SRGAP1: variants seen among roughly 807,000 people sequenced by gnomAD.
The protein encoded by SRGAP1 is SLIT-ROBO Rho GTPase activating protein 1, also known as SLIT-ROBO Rho GTPase-activating protein 1.
SRGAP1 carries 43 observed loss-of-function variants against 121.9 expected under a neutral mutation model. The observed-to-expected ratio is 0.35, with a 90% CI of 0.28 to 0.46. The LOEUF (loss-of-function observed/expected upper bound fraction) is 0.46, where lower values mean the gene tolerates loss of function less well. Among genes scored for constraint, SRGAP1 ranks in the 20% least tolerant of loss-of-function variants. The probability of loss-of-function intolerance (pLI) is 1.00; values close to 1 mark genes in which losing one functional copy is unlikely to be tolerated. For missense variants in SRGAP1, 1,102 were observed against 1,350.9 expected, an observed-to-expected ratio of 0.82 and a Z score of 2.89; for synonymous variants, 447 against 485.4, an observed-to-expected ratio of 0.92 and a Z score of 1.04.
At chr12:63,896,644 G>A (rs1220495706) in intron 1 of SRGAP1, among the ~76,000 whole-genome samples, 1 of 152,172 alleles carries the variant, frequency 6.6e-6, no homozygotes, top group Non-Finnish European at 1.5e-5. Context: ...TGTGGGAATG[G>A]AGTATTAGTA....
intron 8 of SRGAP1, among the ~76,000 whole-genome samples, chr12:64,071,330 G>T (rs2035632223): frequency 6.6e-6 from 1 of 152,182 alleles, no homozygotes; most frequent in Non-Finnish European, 1.5e-5. Flanking sequence ...TCTCAGTGGA[G>T]AAACCACTCG....
At chr12:63,998,524 C>T (rs1241899604) in intron 3 of SRGAP1, among the ~76,000 whole-genome samples, 3 of 152,148 alleles carry the variant, frequency 2.0e-5, no homozygotes, top group African/African-American at 7.2e-5. Flanking sequence ...AAAAGCACCA[C>T]ACTTTGCTCT....
Position 64,097,702 on chromosome 12 carries a change from T to C in SRGAP1, c.1813+327T>C, listed in dbSNP as rs184132531. On this transcript the variant is annotated intron_variant, in intron 15 of 21. Transcript: ENST00000355086. Reference sequence around the variant, plus strand: ...TTGTAAGCTGGGAAATGTGACCTTTTCTTGGCTTTTGATTCTTGGTTTTTC... The same window carrying C: ...TTGTAAGCTGGGAAATGTGACCTTTCCTTGGCTTTTGATTCTTGGTTTTTC... 502 of 208,160 alleles carry C rather than the reference T, an allele frequency of 2.4e-3. 15 individuals are homozygous for C. In the Admixed American group the frequency reaches 0.027, roughly 11 times the overall value. 12.9% of individuals were successfully genotyped at this position (208,160 alleles called of 1,614,324 possible). A position where few individuals can be genotyped will look rare whatever the true frequency, so the allele number is the denominator to read the frequency against.
chr12:64,046,905 A>G (rs2035141488), intron 6 of SRGAP1, among the ~76,000 whole-genome samples: 1 of 151,928 alleles, frequency 6.6e-6, no homozygotes. Context: ...TGTTTTCTCC[A>G]TTTTATAGAC....
chr12:63,941,649 C>T (rs2031871690), intron 1 of SRGAP1, among the ~76,000 whole-genome samples: 1 of 148,894 alleles, frequency 6.7e-6, no homozygotes, highest in African/African-American at 2.5e-5. Context: ...AAAGGACTTA[C>T]AGCTCCTCCT....
At chr12:63,987,989 C>T (rs2033462070) in intron 2 of SRGAP1, among the ~76,000 whole-genome samples, 1 of 152,190 alleles carries the variant, frequency 6.6e-6, no homozygotes, top group South Asian at 2.1e-4. Flanking sequence ...CAGTTAAGAT[C>T]ATTTGCCCAA....
At chr12:64,003,635 T>C (rs1361874526) in intron 3 of SRGAP1, among the ~76,000 whole-genome samples, 1 of 151,926 alleles carries the variant, frequency 6.6e-6, no homozygotes, top group East Asian at 1.9e-4. Flanking sequence ...GTAACAGATA[T>C]TACCTGGTCT....
At chr12:63,849,861 G>A (rs779693475) in intron 1 of SRGAP1, among the ~76,000 whole-genome samples, 5 of 152,128 alleles carry the variant, frequency 3.3e-5, no homozygotes, top group African/African-American at 7.2e-5. Context: ...TTTCAGTAGC[G>A]ATAATTCACT....
chr12:64,049,081 C>T (rs1300253468), intron 6 of SRGAP1, among the ~76,000 whole-genome samples: 1 of 152,172 alleles, frequency 6.6e-6, no homozygotes, highest in Non-Finnish European at 1.5e-5. Context: ...TTTGCCCAGA[C>T]CAATTGCCTG....
chr12:63,949,210 T>C (rs1286201684), intron 1 of SRGAP1, among the ~76,000 whole-genome samples: 5 of 124,092 alleles, frequency 4.0e-5, no homozygotes, highest in South Asian at 2.7e-4. Flanking sequence ...TATATATATA[T>C]TTTTTCCATA....
intron 15 of SRGAP1, among the ~76,000 whole-genome samples, chr12:64,102,815 A>G (rs1485450857): frequency 1.3e-5 from 2 of 152,312 alleles, no homozygotes; most frequent in East Asian, 3.9e-4. Flanking sequence ...CATAAAAATT[A>G]TATCGTACCA....
At chr12:64,053,285 G>A (rs1054481674) in intron 6 of SRGAP1, among the ~76,000 whole-genome samples, 1 of 152,180 alleles carries the variant, frequency 6.6e-6, no homozygotes, top group Non-Finnish European at 1.5e-5. Context: ...TGCAAAAGTA[G>A]CCATAGATAA....
At chr12:63,954,581 G>C (rs971716147) in intron 1 of SRGAP1, among the ~76,000 whole-genome samples, 1 of 151,670 alleles carries the variant, frequency 6.6e-6, no homozygotes, top group African/African-American at 2.4e-5. Flanking sequence ...GGGAGGCTGA[G>C]GCAGGAGAAT....
chr12:63,870,062 A>G (rs142810091), intron 1 of SRGAP1, among the ~76,000 whole-genome samples: 22 of 152,236 alleles, frequency 1.4e-4, no homozygotes, highest in African/African-American at 5.3e-4. Context: ...AAAAGGTTAA[A>G]TGCTTACATT....
intron 1 of SRGAP1, among the ~76,000 whole-genome samples, chr12:63,977,733 T>C (rs1012240460): frequency 1.3e-5 from 2 of 152,200 alleles, no homozygotes; most frequent in African/African-American, 2.4e-5. Context: ...TTGTGCATTG[T>C]TCTTGTTGGA....
intron 21 of SRGAP1, among the ~76,000 whole-genome samples, chr12:64,133,952 A>ACCTTGCCTTTGATGATTGAGTGTCG (rs1306516927): frequency 6.6e-6 from 1 of 152,028 alleles, no homozygotes; most frequent in African/African-American, 2.4e-5. Context: ...AGCTATGCCC[A>ACCTTGCCTTTGATGATTGAGTGTCG]CCTTGCCTTT....
intron 7 of SRGAP1, among the ~76,000 whole-genome samples, chr12:64,064,544 A>C (rs2035504035): frequency 6.6e-6 from 1 of 152,200 alleles, no homozygotes; most frequent in African/African-American, 2.4e-5. Context: ...TGTGCCAAGC[A>C]CTGTTCTAAG....
At chr12:63,910,912 G>A (rs541532140) in intron 1 of SRGAP1, among the ~76,000 whole-genome samples, 68 of 152,272 alleles carry the variant, frequency 4.5e-4, no homozygotes, top group African/African-American at 1.6e-3. Context: ...GACAACTCTA[G>A]AGTAGAGATG....
intron 1 of SRGAP1, among the ~76,000 whole-genome samples, chr12:63,958,756 C>A (rs1256834952): frequency 3.3e-5 from 5 of 152,284 alleles, no homozygotes; most frequent in Middle Eastern, 3.4e-3. Context: ...GAAATTAAGT[C>A]CTAAAAATCA....
Sources: allele counts gnomAD v4.1 joint callset (sites outside exome capture counted in the v4.1 genomes callset), GRCh38; gene constraint gnomAD v4.1.1; transcripts MANE v1.5; gene names NCBI Gene and HGNC (gene_info 2026-07-23, HGNC 2026-07-21).